The following KANK1 variants were observed in gnomAD, a reference collection of about 807,000 sequenced individuals.
The protein encoded by KANK1 is KN motif and ankyrin repeat domains 1, also known as KN motif and ankyrin repeat domain-containing protein 1.
Under a neutral mutation model 106.2 loss-of-function variants are expected in KANK1, and 109 were observed. The ratio of observed to expected loss-of-function variants is 1.03; its 90% CI spans 0.88 to 1.20. The LOEUF is 1.20. Ranked by LOEUF, KANK1 falls within the 50% of genes most tolerant of loss-of-function variation. The pLI, the probability that KANK1 is intolerant of heterozygous loss-of-function variation, is 0.00. For synonymous variants in KANK1, 873 were observed against 652.2 expected (o/e 1.34, Z -5.16); for missense variants, 2,399 against 1,710.7 (o/e 1.40, Z -7.10).
intron 1 of KANK1, among the ~76,000 whole-genome samples, chr9:576,606 A>G (rs1396950948): frequency 1.3e-5 from 2 of 152,174 alleles, no homozygotes; most frequent in South Asian, 4.1e-4. Flanking sequence ...GCAATCACGG[A>G]GACTTGACAT....
chr9:526,116 G>T (rs1165391603), intron 1 of KANK1, among the ~76,000 whole-genome samples: 1 of 151,696 alleles, frequency 6.6e-6, no homozygotes, highest in African/African-American at 2.4e-5. Context: ...ATTTTATTTT[G>T]TGATCTTAGT....
chr9:693,850 G>A (rs573830334), intron 2 of KANK1: 3 of 973,844 alleles, frequency 3.1e-6, no homozygotes, highest in East Asian at 2.3e-4. Context: ...GGGGGTTGGT[G>A]AAATATAAAC....
chr9:648,480 T>G (rs1296502511), intron 1 of KANK1, among the ~76,000 whole-genome samples: 2 of 152,166 alleles, frequency 1.3e-5, no homozygotes, highest in Non-Finnish European at 2.9e-5. Context: ...TTTATGAAAT[T>G]TATCCATTCA....
intron 1 of KANK1, among the ~76,000 whole-genome samples, chr9:598,965 T>C (rs2135786283): frequency 6.6e-6 from 1 of 150,602 alleles, no homozygotes; most frequent in African/African-American, 2.4e-5. Context: ...TATGCAATTA[T>C]AAATATAATT....
chr9:599,265 A>G (rs1253830193), intron 1 of KANK1, among the ~76,000 whole-genome samples: 1 of 151,288 alleles, frequency 6.6e-6, no homozygotes, highest in Non-Finnish European at 1.5e-5. Flanking sequence ...TGATCTGCCC[A>G]TCCCAGCCTC....
At chr9:660,193 C>T (rs1488999708) in intron 1 of KANK1, 5 of 290,084 alleles carry the variant, frequency 1.7e-5, no homozygotes, top group Admixed American at 3.5e-5. Context: ...AATTTGCCTG[C>T]AATGATACTG....
intron 1 of KANK1, among the ~76,000 whole-genome samples, chr9:568,245 A>G (rs982225067): frequency 6.6e-6 from 1 of 152,232 alleles, no homozygotes; most frequent in African/African-American, 2.4e-5. Context: ...AAATGTTGAT[A>G]TAGTCCCTTC....
At chr9:561,256 T>A (rs919626241) in intron 1 of KANK1, among the ~76,000 whole-genome samples, 1 of 152,216 alleles carries the variant, frequency 6.6e-6, no homozygotes, top group Non-Finnish European at 1.5e-5. Context: ...ATTAAGAATT[T>A]TTGCTTTGTA....
chr9:594,386 C>T (rs968905934), intron 1 of KANK1, among the ~76,000 whole-genome samples: 5 of 151,828 alleles, frequency 3.3e-5, no homozygotes, highest in African/African-American at 1.2e-4. Flanking sequence ...TTCTTCAAAA[C>T]TTTCTTCATT....
At chr9:619,364 A>G (rs960335676) in intron 1 of KANK1, among the ~76,000 whole-genome samples, 2 of 152,218 alleles carry the variant, frequency 1.3e-5, no homozygotes, top group Admixed American at 1.3e-4. Flanking sequence ...TTAGGGCAGC[A>G]GCATCAGGGA....
At chr9:729,950 A>G (rs1831749268) in intron 3 of KANK1, 101 bp from the exon 4 acceptor site, 1 of 1,015,894 alleles carries the variant, frequency 9.8e-7, no homozygotes. Flanking sequence ...GGCTGGGATA[A>G]TAGTCCCATT....
chr9:721,570 T>G (rs930504253), intron 3 of KANK1, among the ~76,000 whole-genome samples: 5 of 152,164 alleles, frequency 3.3e-5, no homozygotes, highest in Non-Finnish European at 7.4e-5. Flanking sequence ...GAGAGAAAAA[T>G]TATGTTTCAG....
At chr9:512,115 G>A (rs1209305870) in intron 1 of KANK1, among the ~76,000 whole-genome samples, 1 of 152,150 alleles carries the variant, frequency 6.6e-6, no homozygotes, top group African/African-American at 2.4e-5. Context: ...TTGTCTTCAT[G>A]GCAACTACAT....
chr9:495,469 T>C (rs1312307157), intron 3 of KANK1: 4 of 152,292 alleles, frequency 2.6e-5, no homozygotes, highest in African/African-American at 9.6e-5. Context: ...TGCTCAACTT[T>C]TGACTTTACC....
At chr9:568,657 T>C (rs933852239) in intron 1 of KANK1, among the ~76,000 whole-genome samples, 24 of 152,130 alleles carry the variant, frequency 1.6e-4, no homozygotes, top group African/African-American at 5.8e-4. Flanking sequence ...GCCTGCCTAA[T>C]TTTCTAAAAT....
At chr9:625,850 A>G (rs1316175087) in intron 1 of KANK1, among the ~76,000 whole-genome samples, 4 of 152,052 alleles carry the variant, frequency 2.6e-5, no homozygotes, top group Non-Finnish European at 5.9e-5. Flanking sequence ...TAGGCTGCCC[A>G]TATCTCTCAC....
At chr9:559,537 G>C (rs568523822) in intron 1 of KANK1, among the ~76,000 whole-genome samples, 1 of 152,276 alleles carries the variant, frequency 6.6e-6, no homozygotes, top group Non-Finnish European at 1.5e-5. Flanking sequence ...TCTTGCAGAG[G>C]CAATCTGCTT....
intron 3 of KANK1, among the ~76,000 whole-genome samples, chr9:717,921 A>G (rs1828160495): frequency 6.6e-6 from 1 of 152,210 alleles, no homozygotes; most frequent in Admixed American, 6.5e-5. Flanking sequence ...CATCTCTCAT[A>G]CTGAAAAGAC....
Position 731,400 on chromosome 9 carries a change from G to A in KANK1, c.3005+134G>A, listed in dbSNP as rs77963287. ...GAAAGATTCCCTCCTCAGAAAGGCAGAAAGGTGCATTTGGGCTTTGCTTTC... is the reference window on the plus strand; with the variant it reads ...GAAAGATTCCCTCCTCAGAAAGGCAAAAAGGTGCATTTGGGCTTTGCTTTC... On this transcript the variant is annotated intron_variant, in intron 5 of 11. Coordinates refer to ENST00000382297, the MANE Select transcript of KANK1 (RefSeq NM_015158.5). The A allele has an allele frequency of 2.2e-3, 1,196 of 555,886 alleles. 12 individuals carry two copies. Among genetic ancestry groups the A allele is most frequent in the African/African-American group, 0.019 (984 of 52,026 alleles). The allele number at this position is 555,886 out of a possible 1,614,324, so 34.4% of individuals were successfully genotyped here. A position where few individuals can be genotyped will look rare whatever the true frequency, so the allele number is the denominator to read the frequency against.
Sources: gnomAD v4.1 joint callset for allele counts (sites outside exome capture counted in the v4.1 genomes callset) on GRCh38, gnomAD v4.1.1 for gene constraint, MANE v1.5 for transcripts, NCBI Gene and HGNC (gene_info 2026-07-23, HGNC 2026-07-21) for gene names.